GOLPH3L: variants seen among roughly 807,000 people sequenced by gnomAD.
GOLPH3L encodes Golgi phosphoprotein 3-like.
In GOLPH3L, 22 loss-of-function variants were observed where a neutral mutation model predicts 30.3. The ratio of observed to expected loss-of-function variants is 0.73; its 90% CI spans 0.52 to 1.04. The LOEUF (loss-of-function observed/expected upper bound fraction) is 1.04. GOLPH3L is among the 50% of genes least tolerant of loss of function. The pLI is 0.00. For synonymous variants in GOLPH3L, 120 were observed against 128.2 expected (o/e 0.94, Z 0.43); for missense variants, 303 against 345.8 (o/e 0.88, Z 0.98).
intron 2 of GOLPH3L, among the ~76,000 whole-genome samples, chr1:150,678,935 T>G (rs1650883879): frequency 6.6e-6 from 1 of 152,158 alleles, no homozygotes; most frequent in Non-Finnish European, 1.5e-5. Flanking sequence ...GGAGCAAGGC[T>G]CCGTCTCAAA....
intron 2 of GOLPH3L, among the ~76,000 whole-genome samples, chr1:150,683,649 A>C (rs1651013998): frequency 7.1e-6 from 1 of 140,602 alleles, no homozygotes; most frequent in South Asian, 2.4e-4. Flanking sequence ...GCAGCGAGCC[A>C]AGATCACGCT....
At chr1:150,679,461 T>C (rs751993133) in intron 2 of GOLPH3L, among the ~76,000 whole-genome samples, 3 of 152,142 alleles carry the variant, frequency 2.0e-5, no homozygotes, top group Non-Finnish European at 4.4e-5. Context: ...CAGTCACAAA[T>C]CTTATCTCAA....
chr1:150,680,088 G>A (rs1225465995), intron 2 of GOLPH3L, among the ~76,000 whole-genome samples: 2 of 152,138 alleles, frequency 1.3e-5, no homozygotes, highest in Non-Finnish European at 2.9e-5. Flanking sequence ...GAAGTAGGGA[G>A]TTTCAACAGG....
At chr1:150,661,299 A>G (rs1650362763) in intron 4 of GOLPH3L, among the ~76,000 whole-genome samples, 1 of 152,226 alleles carries the variant, frequency 6.6e-6, no homozygotes, top group South Asian at 2.1e-4. Flanking sequence ...TGATTTACAT[A>G]TGACCCAGTT....
chr1:150,650,047 T>C (rs143330915), intron 4 of GOLPH3L, among the ~76,000 whole-genome samples: 106 of 152,184 alleles, frequency 7.0e-4, no homozygotes, highest in South Asian at 1.2e-3. Flanking sequence ...CCCTGGTGTA[T>C]GTCCAAGGAT....
chr1:150,693,797 A>ATGTATGTGTGTGTGTGTGTGTGTGTG (rs1553189136), intron 2 of GOLPH3L, among the ~76,000 whole-genome samples: 6 of 60,982 alleles, frequency 9.8e-5, no homozygotes, highest in African/African-American at 5.2e-4. Context: ...TTGTTTATGT[A>ATGTATGTGTGTGTGTGTGTGTGTGTG]TGTGTGTGTG....
At chr1:150,677,767 G>A (rs372548014) in intron 2 of GOLPH3L, among the ~76,000 whole-genome samples, 45 of 150,902 alleles carry the variant, frequency 3.0e-4, no homozygotes, top group Middle Eastern at 3.5e-3. Context: ...ATGGAACTAC[G>A]GGCACATGCC....
chr1:150,671,164 T>C (rs1571044816), intron 2 of GOLPH3L, among the ~76,000 whole-genome samples: 1 of 150,318 alleles, frequency 6.7e-6, no homozygotes, highest in African/African-American at 2.5e-5. Flanking sequence ...ATCCTATGAA[T>C]CCAGGAGGCA....
chr1:150,648,456 AGAG>A lies in GOLPH3L; in HGVS notation c.720_722del (p.Ser241del), dbSNP rs1465756096. The A allele has an allele frequency of 8.7e-6, 14 of 1,613,848 alleles. No homozygotes were observed. Among genetic ancestry groups the A allele is most frequent in the Non-Finnish European group, 1.2e-5 (14 of 1,179,860 alleles). On this transcript the variant is annotated inframe_deletion, in exon 5 of 5. Transcript: ENST00000271732. ...CCACATCATACTTGTCATCTGTCAG[AGAG>A]GAGAAGACATTCTCTAGCACATCAG...
At chr1:150,650,800 A>C (rs1571031556) in intron 4 of GOLPH3L, among the ~76,000 whole-genome samples, 2 of 152,228 alleles carry the variant, frequency 1.3e-5, no homozygotes, top group East Asian at 3.8e-4. Flanking sequence ...ATTATCTAAA[A>C]TGTCCAGTTT....
intron 2 of GOLPH3L, among the ~76,000 whole-genome samples, chr1:150,681,531 A>C (rs1216891296): frequency 6.6e-6 from 1 of 152,176 alleles, no homozygotes; most frequent in East Asian, 1.9e-4. Context: ...AGCAGCGAGA[A>C]ATAAGGTTAG....
chr1:150,673,774 CA>C (rs151107787), intron 2 of GOLPH3L, among the ~76,000 whole-genome samples: 57,263 of 145,302 alleles, frequency 0.39, 11,275 homozygotes, highest in South Asian at 0.56. Flanking sequence ...ACCAAAAGTA[CA>C]AAAAAAAAAC....
Position 150,675,779 on chromosome 1 carries a change from CAAAAAAAAAAA to C in GOLPH3L, c.184-12027_184-12017del, listed in dbSNP as rs58158655. Among the ~76,000 whole-genome samples the C allele has an allele frequency of 6.9e-4, 34 of 49,286 alleles. No individual in the cohort carries two copies. In the East Asian group the frequency reaches 0.022, roughly 32 times the overall value. The allele number at this position is 49,286 out of a possible 152,430, so 32.3% of individuals were successfully genotyped here. On this transcript the variant is annotated intron_variant, in intron 2 of 4. Transcript: ENST00000271732. ...CGACAGAGTAAGAGAGACTCTGTCTCAAAAAAAAAAAAAAAAAAAAAAAAAAAAGTATTGAG... is the reference window on the plus strand; with the variant it reads ...CGACAGAGTAAGAGAGACTCTGTCTCAAAAAAAAAAAAAAAAAGTATTGAG...
At chr1:150,668,512 A>C (rs1264626935) in intron 2 of GOLPH3L, among the ~76,000 whole-genome samples, 1 of 152,100 alleles carries the variant, frequency 6.6e-6, no homozygotes, top group Non-Finnish European at 1.5e-5. Flanking sequence ...CCTCCCAAGT[A>C]GTTGGGACTA....
At position 150,648,713 on chromosome 1, in the gene GOLPH3L, G is replaced by C. The variant is rs754989708; in HGVS notation, c.466C>G (p.Leu156Val). ...GCGATGCGCTCTCGTACATTTCTCA[G>C]CTGGTACTGTAATTTGAAGGGGTTC... The part of the protein sequence containing the change: ...TWNPFKLQYQ[L>V]RNVRERIAKN... Residue 156 changes from leucine to valine, a missense_variant, in exon 5 of 5, where the codon CTG (leucine) becomes GTG (valine). Transcript: ENST00000271732. 5.0e-6 allele frequency: 8 copies of C among 1,612,184 alleles called. No individual in the cohort carries two copies. The highest frequency in any genetic ancestry group is 6.8e-6 in the Non-Finnish European group (8 of 1,178,302).
In GOLPH3L at chr1:150,652,795, T is replaced by TG. The variant is rs1457385619; in HGVS notation, c.431-4048dup. ...GTAATAATAGCACAAAGAAAGAGGGTGGGAAAAAAGTTGTGTTGAAGTAAG... is the reference window on the plus strand; with the variant it reads ...GTAATAATAGCACAAAGAAAGAGGGTGGGGAAAAAAGTTGTGTTGAAGTAAG... On this transcript the variant is annotated intron_variant, in intron 4 of 4. Coordinates refer to ENST00000271732, the MANE Select transcript of GOLPH3L (RefSeq NM_018178.6). 2.6e-5 allele frequency among the ~76,000 whole-genome samples: 4 copies of TG among 151,812 alleles called. No individual in the cohort carries two copies. In the South Asian group the frequency reaches 8.3e-4, roughly 32 times the overall value.
chr1:150,683,596 G>C (rs1263094073), intron 2 of GOLPH3L, among the ~76,000 whole-genome samples: 2 of 146,194 alleles, frequency 1.4e-5, no homozygotes, highest in East Asian at 2.0e-4. Flanking sequence ...CCAGCTACTC[G>C]GGAGGCTGAG....
At chr1:150,657,863 T>C (rs1325349882) in intron 4 of GOLPH3L, among the ~76,000 whole-genome samples, 2 of 152,206 alleles carry the variant, frequency 1.3e-5, no homozygotes, top group African/African-American at 4.8e-5. Flanking sequence ...GAATCTAGCA[T>C]CATTAACTTT....
At chr1:150,670,943 T>C (rs1280886029) in intron 2 of GOLPH3L, among the ~76,000 whole-genome samples, 3 of 152,030 alleles carry the variant, frequency 2.0e-5, no homozygotes, top group Admixed American at 6.6e-5. Context: ...TATTTTGTTA[T>C]TATTAAAAAA....
Sources: gnomAD v4.1 joint callset for allele counts (sites outside exome capture counted in the v4.1 genomes callset) on GRCh38, gnomAD v4.1.1 for gene constraint, MANE v1.5 for transcripts, NCBI Gene and HGNC (gene_info 2026-07-23, HGNC 2026-07-21) for gene names.